GUCY1A2: variants seen among roughly 807,000 people sequenced by gnomAD.
GUCY1A2 encodes guanylate cyclase soluble subunit alpha-2.
A neutral mutation model predicts 63.5 loss-of-function variants in GUCY1A2; 27 were observed. That is an observed-to-expected ratio of 0.43 (90% CI 0.31 to 0.59). GUCY1A2 has a LOEUF of 0.59. Ranked by LOEUF, GUCY1A2 falls within the 20% of genes least tolerant of loss-of-function variation. GUCY1A2 has a pLI of 0.11. For missense variants in GUCY1A2, 768 were observed against 913.3 expected (o/e 0.84, Z 2.05); for synonymous variants, 364 against 343.5 (o/e 1.06, Z -0.66).
At chr11:107,016,245 A>G (rs570178889) in intron 1 of GUCY1A2, among the ~76,000 whole-genome samples, 1 of 152,372 alleles carries the variant, frequency 6.6e-6, no homozygotes, top group East Asian at 1.9e-4. Flanking sequence ...TAAAAAAGTA[A>G]AAGTCCTAGG....
At chr11:106,803,410 G>A (rs367758906) in intron 5 of GUCY1A2, among the ~76,000 whole-genome samples, 5 of 151,792 alleles carry the variant, frequency 3.3e-5, no homozygotes, top group African/African-American at 1.2e-4. Context: ...ACAGTCTTTG[G>A]CATACAATGC....
At chr11:106,859,974 A>T (rs1859487050) in intron 4 of GUCY1A2, among the ~76,000 whole-genome samples, 1 of 152,006 alleles carries the variant, frequency 6.6e-6, no homozygotes, top group Non-Finnish European at 1.5e-5. Flanking sequence ...TTGTTAAGTA[A>T]TGCATGACTG....
At chr11:106,790,308 G>A (rs559738501) in intron 5 of GUCY1A2, among the ~76,000 whole-genome samples, 3 of 152,146 alleles carry the variant, frequency 2.0e-5, no homozygotes, top group African/African-American at 7.2e-5. Flanking sequence ...ACAGGCTACC[G>A]CTGATGTTCA....
chr11:106,746,773 A>G (rs1863795347), intron 6 of GUCY1A2: 2 of 534,592 alleles, frequency 3.7e-6, no homozygotes, highest in Non-Finnish European at 6.7e-6. Context: ...ACTGAGGTTG[A>G]CATTGGTGGT....
At chr11:106,808,991 A>C (rs1858729236) in intron 5 of GUCY1A2, among the ~76,000 whole-genome samples, 1 of 152,148 alleles carries the variant, frequency 6.6e-6, no homozygotes, top group Admixed American at 6.6e-5. Context: ...AGATTCAATT[A>C]AAATATTTAA....
At chr11:106,914,039 G>A (rs1247075543) in intron 4 of GUCY1A2, among the ~76,000 whole-genome samples, 5 of 150,992 alleles carry the variant, frequency 3.3e-5, no homozygotes, top group East Asian at 2.0e-4. Context: ...AGAGAGAGAG[G>A]GAGGGAGGCA....
At position 106,999,677 on chromosome 11, in the gene GUCY1A2, C is replaced by A. The variant is rs573410324; in HGVS notation, c.304-13546G>T. ...TGAAAGTGACTTACTAGTATATATT[C>A]TTTGAAAAAGTATGTTTCTTGGGGT... On this transcript the variant is annotated intron_variant, in intron 1 of 7. Transcript: ENST00000526355. Among the ~76,000 whole-genome samples the A allele has an allele frequency of 2.4e-4, 37 of 152,174 alleles. No homozygotes were observed. The South Asian group carries it at 5.2e-3, about 21-fold the overall frequency.
chr11:106,958,591 C>T (rs2120054630), intron 3 of GUCY1A2, among the ~76,000 whole-genome samples: 1 of 137,170 alleles, frequency 7.3e-6, no homozygotes, highest in East Asian at 2.3e-4. Flanking sequence ...TTAAAGGCAG[C>T]TTTAAAGAAC....
intron 4 of GUCY1A2, among the ~76,000 whole-genome samples, chr11:106,894,372 T>C (rs887327620): frequency 6.6e-6 from 1 of 152,298 alleles, no homozygotes; most frequent in Admixed American, 6.5e-5. Context: ...TCAACACCAC[T>C]GTACCAGAAT....
At chr11:106,934,025 A>C (rs1243613624) in intron 4 of GUCY1A2, among the ~76,000 whole-genome samples, 1 of 152,198 alleles carries the variant, frequency 6.6e-6, no homozygotes, top group African/African-American at 2.4e-5. Context: ...GATCAGTCAA[A>C]GCCCAAACCT....
At chr11:106,997,392 G>C (rs1343264858) in intron 1 of GUCY1A2, among the ~76,000 whole-genome samples, 1 of 152,094 alleles carries the variant, frequency 6.6e-6, no homozygotes, top group South Asian at 2.1e-4. Context: ...CAGAAGCCCA[G>C]AGCATACAAA....
intron 5 of GUCY1A2, among the ~76,000 whole-genome samples, chr11:106,788,754 G>A (rs1039682650): frequency 2.6e-5 from 4 of 152,132 alleles, no homozygotes; most frequent in Admixed American, 6.5e-5. Flanking sequence ...CTGTTCCACT[G>A]GTCAATGTGT....
chr11:106,800,004 C>A (rs1864844024), intron 5 of GUCY1A2, among the ~76,000 whole-genome samples: 1 of 152,100 alleles, frequency 6.6e-6, no homozygotes, highest in Admixed American at 6.5e-5. Flanking sequence ...TGACAAAGGG[C>A]TAATATCCAG....
At chr11:106,990,688 G>A (rs1389893008) in intron 1 of GUCY1A2, among the ~76,000 whole-genome samples, 1 of 152,236 alleles carries the variant, frequency 6.6e-6, no homozygotes, top group East Asian at 1.9e-4. Context: ...CTGCAGCTCA[G>A]GGAGGTTAAG....
At chr11:106,852,676 G>C (rs1265137136) in intron 4 of GUCY1A2, among the ~76,000 whole-genome samples, 3 of 152,056 alleles carry the variant, frequency 2.0e-5, no homozygotes, top group Non-Finnish European at 4.4e-5. Context: ...CACGGTAAAT[G>C]ATCATTTTGA....
At chr11:106,852,819 TA>T (rs1461020651) in intron 4 of GUCY1A2, among the ~76,000 whole-genome samples, 1 of 152,178 alleles carries the variant, frequency 6.6e-6, no homozygotes. Flanking sequence ...GTTGGTCTCA[TA>T]TAATGAGTTA....
At chr11:106,983,006 C>T (rs911953722) in intron 2 of GUCY1A2, among the ~76,000 whole-genome samples, 1 of 152,180 alleles carries the variant, frequency 6.6e-6, no homozygotes, top group East Asian at 1.9e-4. Context: ...AAATCAGAAC[C>T]TCTGGGAGCA....
chr11:106,840,218 G>A (rs144867362), intron 4 of GUCY1A2, among the ~76,000 whole-genome samples: 1 of 151,860 alleles, frequency 6.6e-6, no homozygotes, highest in Non-Finnish European at 1.5e-5. Context: ...ACTATTGATG[G>A]CACTATTCCT....
At chr11:106,971,947 G>A (rs1015366908) in intron 3 of GUCY1A2, among the ~76,000 whole-genome samples, 14 of 152,020 alleles carry the variant, frequency 9.2e-5, no homozygotes, top group African/African-American at 3.1e-4. Context: ...AACACACTAT[G>A]AACACACAGA....
Sources: gnomAD v4.1 joint callset for allele counts (sites outside exome capture counted in the v4.1 genomes callset) on GRCh38, gnomAD v4.1.1 for gene constraint, MANE v1.5 for transcripts, NCBI Gene and HGNC (gene_info 2026-07-23, HGNC 2026-07-21) for gene names.